Variants in CCND1 observed in about 807,000 individuals in gnomAD.
CCND1 encodes the protein cyclin D1, also known as G1/S-specific cyclin-D1.
Under a neutral mutation model 26.1 loss-of-function variants are expected in CCND1, and 9 were observed. That is an observed-to-expected ratio of 0.35 (90% CI 0.21 to 0.60). The LOEUF is 0.60. Ranked by LOEUF, CCND1 falls within the 20% of genes least tolerant of loss-of-function variation. CCND1 has a pLI of 0.79. For synonymous variants in CCND1, 194 were observed against 166.1 expected, an observed-to-expected ratio of 1.17 and a Z score of -1.29; for missense variants, 335 against 392.9, an observed-to-expected ratio of 0.85 and a Z score of 1.25.
intron 3 of CCND1, among the ~76,000 whole-genome samples, chr11:69,644,345 C>T (rs557048705): frequency 1.3e-5 from 2 of 152,350 alleles, no homozygotes; most frequent in Admixed American, 6.5e-5. Flanking sequence ...CCTTTCTCCA[C>T]CCACCTCCAG....
At chr11:69,644,232 G>T (rs1028741824) in intron 3 of CCND1, 55 of 547,092 alleles carry the variant, frequency 1.0e-4, no homozygotes, top group Non-Finnish European at 1.3e-4. Context: ...GGTGTGGACG[G>T]CTCAGCCTGC....
In CCND1 at chr11:69,643,844, C is replaced by T. The variant is rs1260695584; in HGVS notation, c.427C>T (p.Leu143Phe). Residue 143 changes from leucine to phenylalanine, a missense_variant, in exon 3 of 5, where the codon CTC (leucine) becomes TTC (phenylalanine). Leu to Phe is a conservative substitution (Grantham distance 22). Transcript: ENST00000227507. ...RPEELLQMEL[L>F]LVNKLKWNLA... ...CCTGTGTTCGCAGCAAATGGAGCTG[C>T]TCCTGGTGAACAAGCTCAAGTGGAA... 5.6e-6 allele frequency: 9 copies of T among 1,609,964 alleles called. No individual in the cohort carries two copies. The highest frequency in any genetic ancestry group is 7.6e-6 in the Non-Finnish European group (9 of 1,177,236).
chr11:69,648,041 G>C lies in CCND1; in HGVS notation c.622G>C (p.Val208Leu), dbSNP rs1011426441. ...NPPSMVAAGS[V>L]VAAVQGLNLR... ...GCCCTCCATGGTGGCAGCGGGGAGC[G>C]TGGTGGCCGCAGTGCAAGGCCTGAA... Residue 208 changes from valine to leucine, a missense_variant, in exon 4 of 5, where the codon GTG (valine) becomes CTG (leucine). By Grantham distance (32) the Val-to-Leu change is conservative. Coordinates refer to ENST00000227507, the MANE Select transcript of CCND1 (RefSeq NM_053056.3). The C allele has an allele frequency of 6.2e-7, 1 of 1,613,932 alleles. No individual in the cohort carries two copies. Among genetic ancestry groups the C allele is most frequent in the Non-Finnish European group, 8.5e-7 (1 of 1,180,010 alleles).
intron 4 of CCND1, among the ~76,000 whole-genome samples, chr11:69,648,763 G>A (rs940502336): frequency 2.6e-5 from 4 of 152,178 alleles, no homozygotes; most frequent in Admixed American, 1.3e-4. Context: ...GTCAGCCGCC[G>A]GCCCCGCGGT....
chr11:69,647,821 G>A (rs1338799325), intron 3 of CCND1, 173 bp from the exon 4 acceptor site: 1 of 673,170 alleles, frequency 1.5e-6, no homozygotes, highest in Non-Finnish European at 2.5e-6. Context: ...CTCTCCGAGT[G>A]CCCAGGGATG....
intron 1 of CCND1, among the ~76,000 whole-genome samples, chr11:69,641,926 A>T (rs1855708343): frequency 6.6e-6 from 1 of 151,344 alleles, no homozygotes; most frequent in Non-Finnish European, 1.5e-5. Context: ...ATTAATATCC[A>T]TGGACACGTA....
intron 1 of CCND1, 111 bp downstream of exon 1, chr11:69,641,622 T>G: frequency 9.2e-7 from 1 of 1,092,204 alleles, no homozygotes; most frequent in Non-Finnish European, 1.4e-6. Flanking sequence ...CTTTGAAGTT[T>G]GCCGTGGTGT....
Position 69,654,044 on chromosome 11 carries a change from G to A in CCND1, c.*2762G>A, listed in dbSNP as rs1019488041. 1.5e-5 allele frequency: 9 copies of A among 600,948 alleles called. No homozygotes were observed. The highest frequency in any genetic ancestry group is 2.4e-5 in the Non-Finnish European group (8 of 336,802). The allele number at this position is 600,948 out of a possible 1,614,324, so 37.2% of individuals were successfully genotyped here. A position where few individuals can be genotyped will look rare whatever the true frequency, so the allele number is the denominator to read the frequency against. On this transcript the variant is annotated 3_prime_UTR_variant, in exon 5 of 5. Transcript: ENST00000227507. This position sits in a 1 kb window ranked among gnomAD's most constrained non-coding sequence, Gnocchi z 6.3. ...GCCGAACCAAAAGAATTTGCACCCC[G>A]CTGCGGGCCCACGTGGTTGGGGCCC... is the stretch of plus-strand genomic sequence containing the variant.
intron 4 of CCND1, among the ~76,000 whole-genome samples, chr11:69,650,371 A>G (rs1451101493): frequency 6.6e-6 from 1 of 152,170 alleles, no homozygotes; most frequent in African/African-American, 2.4e-5. Context: ...GGCGTTCCAG[A>G]TTTCACGGCT....
Position 69,654,315 on chromosome 11 carries a change from T to A in CCND1, c.*3033T>A. 1 of 702,570 alleles carries A rather than the reference T, an allele frequency of 1.4e-6. No individual in the cohort carries two copies. Among genetic ancestry groups the A allele is most frequent in the Non-Finnish European group, 2.6e-6 (1 of 384,998 alleles). 43.5% of individuals were successfully genotyped at this position (702,570 alleles called of 1,614,324 possible). On this transcript the variant is annotated 3_prime_UTR_variant, in exon 5 of 5. Transcript: ENST00000227507. This position sits in a 1 kb window ranked among gnomAD's most constrained non-coding sequence, Gnocchi z 6.3. ...GCACGGGGCACAGCGGAGTCTGTCCTGTGACGCGCAAGTCTGAGGGTCTGG... is the reference window on the plus strand; with the variant it reads ...GCACGGGGCACAGCGGAGTCTGTCCAGTGACGCGCAAGTCTGAGGGTCTGG...
Position 69,651,408 on chromosome 11 carries a change from T to G in CCND1, c.*126T>G. The G allele has an allele frequency of 1.2e-6, 1 of 827,988 alleles. No homozygotes were observed. The highest frequency in any genetic ancestry group is 1.7e-6 in the Non-Finnish European group (1 of 588,470). 51.3% of individuals were successfully genotyped at this position (827,988 alleles called of 1,614,324 possible). ...AGAAGGGAAAGCTTCATTCTCCTTG[T>G]TGTTGGTTGTTTTTTCCTTTGCTCT... On this transcript the variant is annotated 3_prime_UTR_variant, in exon 5 of 5. Transcript: ENST00000227507.
In CCND1 at chr11:69,651,360, CCT is replaced by C; in HGVS notation, c.*82_*83del. On this transcript the variant is annotated 3_prime_UTR_variant, in exon 5 of 5. Coordinates refer to ENST00000227507, the MANE Select transcript of CCND1 (RefSeq NM_053056.3). The stretch of plus-strand genomic sequence containing the variant: ...CCCAGGTGCTCCCCTGACAGTCCCT[CCT>C]CTCCGGAGCATTTTGATACCAGAAG... 2.4e-6 allele frequency: 3 copies of C among 1,236,132 alleles called. No individual in the cohort carries two copies. The highest frequency in any genetic ancestry group is 3.2e-6 in the Non-Finnish European group (3 of 936,866). The allele number at this position is 1,236,132 out of a possible 1,614,324, so 76.6% of individuals were successfully genotyped here.
chr11:69,648,634 G>T (rs777358619), intron 4 of CCND1, among the ~76,000 whole-genome samples: 1 of 152,246 alleles, frequency 6.6e-6, no homozygotes, highest in African/African-American at 2.4e-5. Flanking sequence ...TGGGATGACT[G>T]TGTCTTTCTT....
Position 69,652,816 on chromosome 11 carries a change from T to G in CCND1, c.*1534T>G, listed in dbSNP as rs1590917134. On this transcript the variant is annotated 3_prime_UTR_variant, in exon 5 of 5. Transcript: ENST00000227507. ...CACACACACACACAAACCTTCTGCC[T>G]TTGATGTTACAGATTTAATACAGTT... 2 of 240,832 alleles carry G rather than the reference T, an allele frequency of 8.3e-6. No individual in the cohort carries two copies. Among genetic ancestry groups the G allele is most frequent in the East Asian group, 1.2e-4 (2 of 16,766 alleles). The allele number at this position is 240,832 out of a possible 1,614,324, so 14.9% of individuals were successfully genotyped here.
chr11:69,643,968 C>G lies in CCND1; in HGVS notation c.551C>G (p.Thr184Ser), dbSNP rs1173908293. Residue 184 changes from threonine to serine, a missense_variant, in exon 3 of 5, where the codon ACC becomes AGC. Thr to Ser is a moderately conservative substitution (Grantham distance 58). Transcript: ENST00000227507. ...NKQIIRKHAQ[T>S]FVALCATDVK... is the part of the protein sequence containing the mutation. ...CAGATCATCCGCAAACACGCGCAGA[C>G]CTTCGTTGCCCTCTGTGCCACAGGT... 2.5e-6 allele frequency: 4 copies of G among 1,613,430 alleles called. No individual in the cohort carries two copies. The highest frequency in any genetic ancestry group is 3.4e-6 in the Non-Finnish European group (4 of 1,180,020).
At chr11:69,642,555 AT>A (rs893882846) in intron 1 of CCND1, among the ~76,000 whole-genome samples, 2 of 152,134 alleles carry the variant, frequency 1.3e-5, no homozygotes, top group Non-Finnish European at 2.9e-5. Context: ...GCACTTAGTT[AT>A]TTTTTTAATA....
In CCND1 at chr11:69,653,526, C is replaced by G; in HGVS notation, c.*2244C>G. On this transcript the variant is annotated 3_prime_UTR_variant, in exon 5 of 5. Coordinates refer to ENST00000227507, the MANE Select transcript of CCND1 (RefSeq NM_053056.3). ...CATGCTTCACTTAGCCATGGTGGAC[C>G]CAGCGGGCAGGTTCTGCCTGCTTTG... 1.8e-6 allele frequency: 1 copy of G among 557,292 alleles called. No individual in the cohort carries two copies. Among genetic ancestry groups the G allele is most frequent in the South Asian group, 2.3e-5 (1 of 43,674 alleles). 34.5% of individuals were successfully genotyped at this position (557,292 alleles called of 1,614,324 possible).
chr11:69,651,307 C>T lies in CCND1; in HGVS notation c.*25C>T, dbSNP rs753482335. 6.2e-6 allele frequency: 9 copies of T among 1,445,022 alleles called. No homozygotes were observed. The highest frequency in any genetic ancestry group is 2.9e-5 in the African/African-American group (2 of 68,190). The allele number at this position is 1,445,022 out of a possible 1,614,324, so 89.5% of individuals were successfully genotyped here. ...AGGGCGCCAGGCAGGCGGGCGCCAC[C>T]GCCACCCGCAGCGAGGGCGGAGCCG... On this transcript the variant is annotated 3_prime_UTR_variant, in exon 5 of 5. Transcript: ENST00000227507.
Position 69,643,165 on chromosome 11 carries a change from T to C in CCND1, c.333T>C (p.Ser111=), listed in dbSNP as rs150143978. The change falls in exon 2 of 5, where the codon TCT becomes TCC. Residue 111 remains serine, a synonymous_variant. Transcript: ENST00000227507. ...GGGCCACTTGCATGTTCGTGGCCTC[T>C]AAGATGAAGGAGACCATCCCCCTGA... is the stretch of plus-strand genomic sequence containing the variant. ...LLGATCMFVA[S]KMKETIPLTA... is the part of the protein sequence containing the mutation. 3.1e-6 allele frequency: 5 copies of C among 1,609,126 alleles called. No homozygotes were observed. The highest frequency in any genetic ancestry group is 3.4e-5 in the Admixed American group (2 of 59,464).
Sources: gnomAD v4.1 joint callset for allele counts (sites outside exome capture counted in the v4.1 genomes callset) on GRCh38, gnomAD v4.1.1 for gene constraint, Gnocchi (gnomAD v3.1) non-coding constraint, MANE v1.5 for transcripts, NCBI Gene and HGNC (gene_info 2026-07-23, HGNC 2026-07-21) for gene names.